The following VAT1L variants were observed in gnomAD, a reference collection of about 807,000 sequenced individuals.
VAT1L encodes putative NADPH-dependent quinone oxidoreductase VAT1L.
Under a neutral mutation model 44.1 loss-of-function variants are expected in VAT1L, and 34 were observed. The observed-to-expected ratio is 0.77, with a 90% CI of 0.59 to 1.03. VAT1L has a LOEUF of 1.03. Ranked by LOEUF, VAT1L falls within the 50% of genes least tolerant of loss-of-function variation. VAT1L has a pLI of 0.00. For missense variants in VAT1L, 615 were observed against 538.8 expected (o/e 1.14, Z -1.40); for synonymous variants, 253 against 202.2 (o/e 1.25, Z -2.13).
chr16:77,819,064 T>C (rs1394866908), intron 2 of VAT1L, among the ~76,000 whole-genome samples: 1 of 152,094 alleles, frequency 6.6e-6, no homozygotes, highest in East Asian at 1.9e-4. Flanking sequence ...TGTGCCTGCC[T>C]CTGGACTCTG....
chr16:77,837,544 C>T (rs540541734), intron 3 of VAT1L, among the ~76,000 whole-genome samples: 2 of 152,292 alleles, frequency 1.3e-5, no homozygotes, highest in Non-Finnish European at 2.9e-5. Flanking sequence ...CACATTGGTG[C>T]TGCTTCGGAA....
intron 7 of VAT1L, among the ~76,000 whole-genome samples, chr16:77,916,457 G>C (rs758733323): frequency 2.6e-5 from 4 of 151,878 alleles, no homozygotes; most frequent in Non-Finnish European, 4.4e-5. Flanking sequence ...CTCTCCACTG[G>C]GTTTTTTGTT....
chr16:77,976,812 A>G (rs775688851), intron 8 of VAT1L, among the ~76,000 whole-genome samples: 9 of 152,218 alleles, frequency 5.9e-5, no homozygotes, highest in Non-Finnish European at 1.0e-4. Flanking sequence ...AGGGGTAATC[A>G]TAACTATGCC....
chr16:77,862,532 C>G (rs780660193), intron 3 of VAT1L, among the ~76,000 whole-genome samples: 18 of 149,800 alleles, frequency 1.2e-4, no homozygotes, highest in Admixed American at 8.8e-4. Flanking sequence ...AGGAGAATCG[C>G]TAGAACACAG....
chr16:77,857,397 G>A (rs1194534739), intron 3 of VAT1L, among the ~76,000 whole-genome samples: 1 of 152,148 alleles, frequency 6.6e-6, no homozygotes, highest in Non-Finnish European at 1.5e-5. Context: ...TTCTATAAAT[G>A]TGTGGGAAGG....
chr16:77,869,723 T>G (rs2017011035), intron 4 of VAT1L, among the ~76,000 whole-genome samples: 1 of 152,078 alleles, frequency 6.6e-6, no homozygotes, highest in Non-Finnish European at 1.5e-5. Flanking sequence ...TGACATGAGC[T>G]GGCTCTGGAA....
intron 7 of VAT1L, among the ~76,000 whole-genome samples, chr16:77,958,941 C>T (rs915187430): frequency 2.0e-5 from 3 of 152,192 alleles, no homozygotes; most frequent in African/African-American, 7.2e-5. Flanking sequence ...TTTATAATAG[C>T]TGGTTGAATG....
intron 7 of VAT1L, among the ~76,000 whole-genome samples, chr16:77,898,082 G>T (rs2017343495): frequency 1.3e-5 from 2 of 152,078 alleles, no homozygotes; most frequent in South Asian, 4.2e-4. Flanking sequence ...GGCAATCTTT[G>T]GCATTCTTTG....
At chr16:77,906,886 C>T (rs2017443071) in intron 7 of VAT1L, among the ~76,000 whole-genome samples, 1 of 149,904 alleles carries the variant, frequency 6.7e-6, no homozygotes. Flanking sequence ...CTGGCAACAG[C>T]AGCTAGGGTA....
intron 8 of VAT1L, among the ~76,000 whole-genome samples, chr16:77,973,380 G>T (rs912314399): frequency 6.6e-6 from 1 of 152,084 alleles, no homozygotes; most frequent in African/African-American, 2.4e-5. Context: ...CGCCTCCCGG[G>T]TTCAAGCGAT....
chr16:77,910,468 C>A (rs556632187), intron 7 of VAT1L, among the ~76,000 whole-genome samples: 2 of 151,974 alleles, frequency 1.3e-5, no homozygotes, highest in East Asian at 3.9e-4. Context: ...GTCAGGAGAT[C>A]GAGACCATCC....
intron 7 of VAT1L, among the ~76,000 whole-genome samples, chr16:77,926,362 C>G (rs1008413990): frequency 6.6e-6 from 1 of 151,934 alleles, no homozygotes; most frequent in Non-Finnish European, 1.5e-5. Flanking sequence ...GCAGGCAGAT[C>G]GCCTAAGGAC....
At chr16:77,819,105 A>G (rs2016405304) in intron 2 of VAT1L, among the ~76,000 whole-genome samples, 1 of 152,010 alleles carries the variant, frequency 6.6e-6, no homozygotes, top group Non-Finnish European at 1.5e-5. Context: ...GCTTGGACAT[A>G]TTTGCTATTT....
At chr16:77,963,419 A>G (rs976332371) in intron 7 of VAT1L, among the ~76,000 whole-genome samples, 1 of 152,122 alleles carries the variant, frequency 6.6e-6, no homozygotes, top group African/African-American at 2.4e-5. Context: ...AAAGTCAAGG[A>G]AACAAATTCC....
At chr16:77,917,354 C>G (rs375548757) in intron 7 of VAT1L, among the ~76,000 whole-genome samples, 11 of 152,178 alleles carry the variant, frequency 7.2e-5, no homozygotes, top group African/African-American at 2.2e-4. Context: ...CATAATTTCC[C>G]GGAAATTACC....
intron 7 of VAT1L, among the ~76,000 whole-genome samples, chr16:77,953,338 C>G (rs1405533151): frequency 6.6e-6 from 1 of 152,130 alleles, no homozygotes; most frequent in African/African-American, 2.4e-5. Flanking sequence ...ATATACTACC[C>G]AAACATTATT....
chr16:77,838,401 G>C (rs1299384221), intron 3 of VAT1L, among the ~76,000 whole-genome samples: 1 of 152,186 alleles, frequency 6.6e-6, no homozygotes, highest in Non-Finnish European at 1.5e-5. Flanking sequence ...CAGGATGTTG[G>C]CCCTGGCCCC....
intron 7 of VAT1L, among the ~76,000 whole-genome samples, chr16:77,962,037 T>C (rs1348037147): frequency 6.6e-6 from 1 of 152,188 alleles, no homozygotes; most frequent in Non-Finnish European, 1.5e-5. Flanking sequence ...TCTCTAATTC[T>C]TTCTCTCCTC....
chr16:77,795,906 A>G (rs1597160848), intron 1 of VAT1L, among the ~76,000 whole-genome samples: 2 of 144,062 alleles, frequency 1.4e-5, no homozygotes, highest in Admixed American at 7.2e-5. Flanking sequence ...GCTCACTGCA[A>G]CCTCCACCTA....
Sources: gnomAD v4.1 joint callset for allele counts (sites outside exome capture counted in the v4.1 genomes callset) on GRCh38, gnomAD v4.1.1 for gene constraint, MANE v1.5 for transcripts, NCBI Gene and HGNC (gene_info 2026-07-23, HGNC 2026-07-21) for gene names.